The following FOXO1 variants were observed in gnomAD, a reference collection of about 807,000 sequenced individuals.
FOXO1 encodes the protein forkhead box O1.
A neutral mutation model predicts 44.1 loss-of-function variants in FOXO1; 6 were observed. The ratio of observed to expected loss-of-function variants is 0.14; its 90% confidence interval spans 0.07 to 0.27. The LOEUF (loss-of-function observed/expected upper bound fraction) is 0.27, where lower values mean the gene tolerates loss of function less well. Ranked by LOEUF, FOXO1 falls within the 10% of genes least tolerant of loss-of-function variation. The probability of loss-of-function intolerance (pLI) is 1.00; values close to 1 mark genes in which losing one functional copy is unlikely to be tolerated. For synonymous variants in FOXO1, 380 were observed against 362.7 expected (o/e 1.05, Z -0.54); for missense variants, 737 against 888.8 (o/e 0.83, Z 2.17).
chr13:40,577,761 T>G (rs1033341260), intron 1 of FOXO1, among the ~76,000 whole-genome samples: 6 of 152,110 alleles, frequency 3.9e-5, no homozygotes, highest in Non-Finnish European at 7.3e-5. Flanking sequence ...TGATCTATAC[T>G]CAATGCCTAG....
intron 1 of FOXO1, 37 bp downstream of exon 1, chr13:40,665,546 C>T (rs369868673): frequency 1.5e-5 from 20 of 1,347,996 alleles, no homozygotes; most frequent in Non-Finnish European, 1.9e-5. Context: ...TGACCCACCG[C>T]GCCCCCAAGG....
chr13:40,615,305 G>A lies in FOXO1; in HGVS notation c.630+50278C>T, dbSNP rs552163108. On this transcript the variant is annotated intron_variant, in intron 1 of 2. Transcript: ENST00000379561. ...TAACCCTAGCACTCTGGGAGGCCGA[G>A]GCAGGCGGATCACCTGAGGTCAGGA... 2.6e-5 allele frequency among the ~76,000 whole-genome samples: 4 copies of A among 152,310 alleles called. No individual in the cohort carries two copies. The South Asian group carries it at 8.3e-4, about 32-fold the overall frequency.
intron 1 of FOXO1, among the ~76,000 whole-genome samples, chr13:40,642,580 A>G (rs1354239732): frequency 1.3e-5 from 2 of 152,196 alleles, no homozygotes; most frequent in African/African-American, 4.8e-5. Context: ...CTATCCCATA[A>G]AAGACCCTCT....
intron 1 of FOXO1, among the ~76,000 whole-genome samples, chr13:40,636,774 C>T (rs1293125347): frequency 6.6e-6 from 1 of 151,952 alleles, no homozygotes; most frequent in Non-Finnish European, 1.5e-5. Flanking sequence ...GGATTACAGG[C>T]GTGAGCCACC....
intron 1 of FOXO1, among the ~76,000 whole-genome samples, chr13:40,636,517 CTTTT>C (rs376651061): frequency 4.1e-5 from 5 of 121,974 alleles, no homozygotes; most frequent in Non-Finnish European, 8.3e-5. Flanking sequence ...TTTTCAAAAA[CTTTT>C]TTTTTTTTTT....
At chr13:40,616,394 G>GA (rs1414626681) in intron 1 of FOXO1, among the ~76,000 whole-genome samples, 2 of 152,136 alleles carry the variant, frequency 1.3e-5, no homozygotes, top group African/African-American at 4.8e-5. Context: ...GAAGGACAGA[G>GA]AAAAAATTTG....
At position 40,560,435 on chromosome 13, in the gene FOXO1, G is replaced by A. The variant is rs755323195; in HGVS notation, c.1056C>T (p.Ala352=). The A allele has an allele frequency of 4.8e-5, 78 of 1,613,974 alleles. 1 individual carries two copies. The highest frequency in any genetic ancestry group is 6.6e-5 in the South Asian group (6 of 91,076). The change falls in exon 2 of 3, where the codon GCC becomes GCT. Residue 352 remains alanine, a synonymous_variant. Transcript: ENST00000379561. The surrounding 1 kb of genome is among the most constrained non-coding windows in gnomAD (Gnocchi z 5.1). ...DVHSMVYPPS[A]AKMASTLPSL... is the part of the protein sequence containing the mutation. ...TGGGTAAAGTAGAGGCCATCTTTGC[G>A]GCAGATGGCGGGTACACCATAGAAT...
chr13:40,618,028 T>C (rs1876484912), intron 1 of FOXO1, among the ~76,000 whole-genome samples: 1 of 152,150 alleles, frequency 6.6e-6, no homozygotes, highest in South Asian at 2.1e-4. Flanking sequence ...CAAAATCACA[T>C]CATCTGCCGT....
chr13:40,623,939 T>A (rs141755886), intron 1 of FOXO1, among the ~76,000 whole-genome samples: 7 of 52,910 alleles, frequency 1.3e-4, no homozygotes, highest in Non-Finnish European at 1.6e-4. Flanking sequence ...AAAAAAAAAA[T>A]TTTTTTTTTT....
rs1207270734 is a variant in FOXO1, at chr13:40,585,191, TGG to T, written c.631-24333_631-24332del. ...TTACGGATAAAAAGCCAGTTGGTTCTGGGATCAAATTTTAAGTCATCATTGTT... is the reference window on the plus strand; with the variant it reads ...TTACGGATAAAAAGCCAGTTGGTTCTGATCAAATTTTAAGTCATCATTGTT... On this transcript the variant is annotated intron_variant, in intron 1 of 2. Transcript: ENST00000379561. Among the ~76,000 whole-genome samples the T allele has an allele frequency of 4.6e-5, 7 of 152,338 alleles. No homozygotes were observed. In the East Asian group the frequency reaches 7.7e-4, roughly 17 times the overall value.
At chr13:40,561,013 C>CA (rs559640895) in intron 1 of FOXO1, among the ~76,000 whole-genome samples, 153 bp from the exon 2 acceptor site, 171 of 152,310 alleles carry the variant, frequency 1.1e-3, no homozygotes, top group Non-Finnish European at 1.8e-3. Flanking sequence ...GAAGCCACTA[C>CA]AAAAGATCTC....
At chr13:40,628,274 G>T (rs1876851140) in intron 1 of FOXO1, among the ~76,000 whole-genome samples, 1 of 151,462 alleles carries the variant, frequency 6.6e-6, no homozygotes, top group South Asian at 2.1e-4. Flanking sequence ...TGTTTCACAA[G>T]CATACCCATG....
chr13:40,601,040 G>A (rs929626506), intron 1 of FOXO1, among the ~76,000 whole-genome samples: 1 of 152,092 alleles, frequency 6.6e-6, no homozygotes, highest in Non-Finnish European at 1.5e-5. Context: ...CTGGTCTGTC[G>A]AAAACCATCC....
At chr13:40,587,763 G>A (rs376898767) in intron 1 of FOXO1, among the ~76,000 whole-genome samples, 5 of 152,154 alleles carry the variant, frequency 3.3e-5, no homozygotes, top group African/African-American at 7.2e-5. Flanking sequence ...CAAATGAAAC[G>A]GAAGTCTTCA....
chr13:40,618,828 G>T (rs1876510826), intron 1 of FOXO1: 1 of 526,586 alleles, frequency 1.9e-6, no homozygotes, highest in South Asian at 1.4e-5. Flanking sequence ...GAAGATGGCA[G>T]CAAGAGCATC....
At chr13:40,643,925 G>A (rs112590516) in intron 1 of FOXO1, among the ~76,000 whole-genome samples, 4 of 152,234 alleles carry the variant, frequency 2.6e-5, no homozygotes, top group Non-Finnish European at 4.4e-5. Context: ...TGCTAGTACC[G>A]CAGTGATGTG....
chr13:40,565,379 T>C (rs1874227681), intron 1 of FOXO1, among the ~76,000 whole-genome samples: 1 of 152,120 alleles, frequency 6.6e-6, no homozygotes, highest in Admixed American at 6.5e-5. Context: ...GGACCTTTTC[T>C]CTCCAAAGGC....
At chr13:40,576,675 C>T (rs1020719355) in intron 1 of FOXO1, among the ~76,000 whole-genome samples, 7 of 152,188 alleles carry the variant, frequency 4.6e-5, no homozygotes, top group African/African-American at 1.7e-4. Flanking sequence ...TCGATTCAAG[C>T]TTTGGCTTCT....
At chr13:40,645,815 G>T (rs1386443352) in intron 1 of FOXO1, among the ~76,000 whole-genome samples, 1 of 152,076 alleles carries the variant, frequency 6.6e-6, no homozygotes, top group East Asian at 1.9e-4. Flanking sequence ...GGGTGCAGTG[G>T]CTGACACCTG....
Sources: gnomAD v4.1 joint callset for allele counts (sites outside exome capture counted in the v4.1 genomes callset) on GRCh38, gnomAD v4.1.1 for gene constraint, Gnocchi (gnomAD v3.1) non-coding constraint, MANE v1.5 for transcripts, NCBI Gene and HGNC (gene_info 2026-07-23, HGNC 2026-07-21) for gene names.